The following ARHGEF40 variants were observed in gnomAD, a reference collection of about 807,000 sequenced individuals.
ARHGEF40 encodes the protein Rho guanine nucleotide exchange factor 40.
ARHGEF40 carries 98 observed loss-of-function variants against 165.9 expected under a neutral mutation model. The observed-to-expected ratio is 0.59, with a 90% CI of 0.50 to 0.70. The LOEUF (loss-of-function observed/expected upper bound fraction) is 0.70. Among genes scored for constraint, ARHGEF40 ranks in the 30% least tolerant of loss-of-function variants. ARHGEF40 has a pLI of 0.00. For missense variants in ARHGEF40, 1,815 were observed against 1,968.0 expected (o/e 0.92, Z 1.47); for synonymous variants, 792 against 814.3 (o/e 0.97, Z 0.47).
chr14:21,086,310 A>C (rs921393536), intron 19 of ARHGEF40: 1 of 168,784 alleles, frequency 5.9e-6, no homozygotes, highest in Non-Finnish European at 1.3e-5. Flanking sequence ...CAAACGTTCA[A>C]GGCTACAGTG....
At chr14:21,083,658 C>T (rs1888108590) in intron 16 of ARHGEF40, among the ~76,000 whole-genome samples, 177 bp from the exon 17 acceptor site, 1 of 152,230 alleles carries the variant, frequency 6.6e-6, no homozygotes, top group Admixed American at 6.5e-5. Flanking sequence ...GATTGCTGGC[C>T]TGCAGGCCCC....
chr14:21,090,168 C>T lies in ARHGEF40; in HGVS notation c.*1160C>T. ...AAAAATAGCGACGTCTACAGGGCCC[C>T]TGATGGGGCTAGAAGGGTACAGTGC... On this transcript the variant is annotated 3_prime_UTR_variant, in exon 24 of 24. Transcript: ENST00000298694. The surrounding 1 kb of genome is among the most constrained non-coding windows in gnomAD (Gnocchi z 4.4). 1.9e-6 allele frequency: 1 copy of T among 513,668 alleles called. No homozygotes were observed. Among genetic ancestry groups the T allele is most frequent in the East Asian group, 5.1e-5 (1 of 19,716 alleles). The allele number at this position is 513,668 out of a possible 1,614,324, so 31.8% of individuals were successfully genotyped here. A position where few individuals can be genotyped will look rare whatever the true frequency, so the allele number is the denominator to read the frequency against.
chr14:21,070,854 C>G lies in ARHGEF40; in HGVS notation c.3+455C>G. On this transcript the variant is annotated intron_variant, in intron 1 of 23. Transcript: ENST00000298694. The surrounding 1 kb of genome is among the most constrained non-coding windows in gnomAD (Gnocchi z 4.7). ...TGCATGGAACCACCATTTTCCATCC[C>G]TGTCCCCAACCCGGTGAGGCAGGCC... 6.5e-7 allele frequency: 1 copy of G among 1,535,694 alleles called. No individual in the cohort carries two copies. The highest frequency in any genetic ancestry group is 8.7e-7 in the Non-Finnish European group (1 of 1,146,880).
chr14:21,061,717 A>C, the ARHGEF40 span, among the ~76,000 whole-genome samples: 1 of 152,244 alleles, frequency 6.6e-6, no homozygotes, highest in African/African-American at 2.4e-5. Context: ...AAATGTTTAA[A>C]AGAATCAACA....
At chr14:21,068,955 A>G (rs1198514921), upstream of ARHGEF40, among the ~76,000 whole-genome samples, 4 of 152,238 alleles carry the variant, frequency 2.6e-5, no homozygotes, top group African/African-American at 7.2e-5. Flanking sequence ...CGCTGTTCCA[A>G]CAACTGCCCA....
chr14:21,071,717 G>T (rs1886903586), intron 1 of ARHGEF40, among the ~76,000 whole-genome samples: 1 of 151,772 alleles, frequency 6.6e-6, no homozygotes, highest in South Asian at 2.1e-4. Flanking sequence ...CCCTAGCTCC[G>T]CACTCCCTGC....
At position 21,085,867 on chromosome 14, in the gene ARHGEF40, G is replaced by A; in HGVS notation, c.4138+1G>A. 6.2e-7 allele frequency: 1 copy of A among 1,613,840 alleles called. No individual in the cohort carries two copies. The highest frequency in any genetic ancestry group is 2.2e-5 in the East Asian group (1 of 44,894). On this transcript the variant is annotated splice_donor_variant, in intron 19 of 23. Transcript: ENST00000298694. LOFTEE classifies it high-confidence loss of function. Reference sequence around the variant, plus strand: ...TGGAGACAGGCAGCCCACAACAAGGGTACTGGGCAGAGCTGAGGAAGGGGG... The same window carrying A: ...TGGAGACAGGCAGCCCACAACAAGGATACTGGGCAGAGCTGAGGAAGGGGG...
chr14:21,074,448 G>A lies in ARHGEF40; in HGVS notation c.718G>A (p.Gly240Ser), dbSNP rs749010715. ...GHNAPVEGPE[G>S]EYVELLEVTL... ...CAATGCCCCTGTGGAAGGACCTGAG[G>A]GCGAGTATGTGGAGCTGTTAGAGGT... Residue 240 changes from glycine (G) to serine (S), a missense_variant, in exon 3 of 24, where the codon GGC becomes AGC. Transcript: ENST00000298694. The surrounding 1 kb of genome is among the most constrained non-coding windows in gnomAD (Gnocchi z 4.8). The A allele has an allele frequency of 1.0e-5, 16 of 1,599,932 alleles. No homozygotes were observed. The highest frequency in any genetic ancestry group is 1.3e-5 in the Non-Finnish European group (15 of 1,173,894).
Position 21,074,629 on chromosome 14 carries a change from A to G in ARHGEF40, c.899A>G (p.Gln300Arg), listed in dbSNP as rs1172256002. 1.9e-6 allele frequency: 3 copies of G among 1,567,378 alleles called. No homozygotes were observed. In the African/African-American group the frequency reaches 4.0e-5, roughly 21 times the overall value. The change falls in exon 3 of 24, where the codon CAG (glutamine) becomes CGG (arginine). Residue 300 changes from glutamine (Q) to arginine (R), a missense_variant. Gln to Arg is a conservative substitution (Grantham distance 43, BLOSUM62 1). Coordinates refer to ENST00000298694, the MANE Select transcript of ARHGEF40 (RefSeq NM_018071.5). The surrounding 1 kb of genome is among the most constrained non-coding windows in gnomAD (Gnocchi z 4.8). ...CAGAAGGGCCTGGGGCCTCGGGGCC[A>G]GGATGGAGCACGCCCACCCGGCGAG... The part of the protein sequence containing the change: ...MHQKGLGPRG[Q>R]DGARPPGEGS...
chr14:21,084,135 G>C (rs930288535), intron 17 of ARHGEF40, 85 bp downstream of exon 17: 11 of 1,404,210 alleles, frequency 7.8e-6, no homozygotes, highest in African/African-American at 1.4e-5. Context: ...GGAGAACCAG[G>C]CTCCAGGTCA....
Position 21,082,128 on chromosome 14 carries a change from C to A in ARHGEF40, c.3251+9C>A. The A allele has an allele frequency of 6.4e-7, 1 of 1,562,454 alleles. No homozygotes were observed. The highest frequency in any genetic ancestry group is 8.7e-7 in the Non-Finnish European group (1 of 1,152,792). On this transcript the variant is annotated intron_variant, in intron 14 of 23. Transcript: ENST00000298694. ...CGCAAGCGAAGCATCAGGTGAGATC[C>A]CAGCCCAACTGGTGCTAAGAGGCGG... is the stretch of plus-strand genomic sequence containing the variant.
chr14:21,080,896 G>T lies in ARHGEF40; in HGVS notation c.2520G>T (p.Glu840Asp). 6.2e-7 allele frequency: 1 copy of T among 1,614,120 alleles called. No homozygotes were observed. Among genetic ancestry groups the T allele is most frequent in the Middle Eastern group, 1.7e-4 (1 of 6,056 alleles). ...AGGAGCGCCTGGCCCAGGCACGGGA[G>T]GCCCTGGCTCTGGAGGAGAATGCCA... ...EVQERLAQAR[E>D]ALALEENATS... The change falls in exon 13 of 24, where the codon GAG (glutamate) becomes GAT (aspartate). Residue 840 changes from glutamate to aspartate, a missense_variant. Glu to Asp is a conservative substitution (Grantham distance 45). Coordinates refer to ENST00000298694, the MANE Select transcript of ARHGEF40 (RefSeq NM_018071.5).
In ARHGEF40 at chr14:21,081,538, TCGG is replaced by T; in HGVS notation, c.2672_2674del (p.Arg891del). 2 of 1,613,082 alleles carry T rather than the reference TCGG, an allele frequency of 1.2e-6. No homozygotes were observed. Among genetic ancestry groups the T allele is most frequent in the Non-Finnish European group, 1.7e-6 (2 of 1,179,902 alleles). On this transcript the variant is annotated inframe_deletion, in exon 14 of 24. Coordinates refer to ENST00000298694, the MANE Select transcript of ARHGEF40 (RefSeq NM_018071.5). Reference sequence around the variant, plus strand: ...ATGAATGGGTGGATGAGGGCTTTGCTCGGCTGGCAGGAGCTGGGCCGGGTCGGG... The same window carrying T: ...ATGAATGGGTGGATGAGGGCTTTGCTCTGGCAGGAGCTGGGCCGGGTCGGG...
intron 18 of ARHGEF40, 32 bp from the exon 19 acceptor site, chr14:21,085,657 G>T (rs1191048091): frequency 1.9e-6 from 3 of 1,605,414 alleles, no homozygotes; most frequent in Non-Finnish European, 2.6e-6. Context: ...GACTCACTCT[G>T]TCTTCACCCG....
In ARHGEF40 at chr14:21,084,659, A is replaced by T. The variant is rs1888196456; in HGVS notation, c.3790-94A>T. ...CCTGACTCTACCTGAGAACCAGTGC[A>T]TTAGGCCACTTGCCCTATAAATCTA... On this transcript the variant is annotated intron_variant, in intron 17 of 23. Coordinates refer to ENST00000298694, the MANE Select transcript of ARHGEF40 (RefSeq NM_018071.5). 13 of 1,396,722 alleles carry T rather than the reference A, an allele frequency of 9.3e-6. 1 individual carries two copies. In the South Asian group the frequency reaches 1.8e-4, roughly 19 times the overall value. The allele number at this position is 1,396,722 out of a possible 1,614,324, so 86.5% of individuals were successfully genotyped here.
At position 21,073,567 on chromosome 14, in the gene ARHGEF40, C is replaced by T. The variant is rs140147631; in HGVS notation, c.201+325C>T. Among the ~76,000 whole-genome samples, 2 of 152,168 alleles carry T rather than the reference C, an allele frequency of 1.3e-5. No individual in the cohort carries two copies. The highest frequency in any genetic ancestry group is 4.8e-5 in the African/African-American group (2 of 41,492). ...TCCCCCTCATATGAATTTCTCAAGA[C>T]ACTAACTCCCCCGTACATTAGTCAA... On this transcript the variant is annotated intron_variant, in intron 2 of 23. Transcript: ENST00000298694. The surrounding 1 kb of genome is among the most constrained non-coding windows in gnomAD (Gnocchi z 4.6).
chr14:21,066,269 T>G (rs1886256399), upstream of ARHGEF40, among the ~76,000 whole-genome samples: 1 of 151,624 alleles, frequency 6.6e-6, no homozygotes, highest in African/African-American at 2.4e-5. Context: ...TGGAAAGCCA[T>G]TAGACGGGGT....
the ARHGEF40 span, among the ~76,000 whole-genome samples, chr14:21,064,511 A>G: frequency 6.6e-6 from 1 of 152,164 alleles, no homozygotes; most frequent in Admixed American, 6.5e-5. Context: ...CATGTTGGCC[A>G]GGCTCGTCTT....
At position 21,073,750 on chromosome 14, in the gene ARHGEF40, G is replaced by A. The variant is rs750696365; in HGVS notation, c.202-182G>A. 2.6e-5 allele frequency among the ~76,000 whole-genome samples: 4 copies of A among 152,060 alleles called. No individual in the cohort carries two copies. Among genetic ancestry groups the A allele is most frequent in the East Asian group, 3.9e-4 (2 of 5,188 alleles). Reference sequence around the variant, plus strand: ...AGAATCTTCCTACTACTGGGAGACCGATCAGTCCCAATCCCTTCCTCTCTG... The same window carrying A: ...AGAATCTTCCTACTACTGGGAGACCAATCAGTCCCAATCCCTTCCTCTCTG... On this transcript the variant is annotated intron_variant, in intron 2 of 23. Coordinates refer to ENST00000298694, the MANE Select transcript of ARHGEF40 (RefSeq NM_018071.5). This position sits in a 1 kb window ranked among gnomAD's most constrained non-coding sequence, Gnocchi z 4.6.
Sources: gnomAD v4.1 joint callset for allele counts (sites outside exome capture counted in the v4.1 genomes callset) on GRCh38, gnomAD v4.1.1 for gene constraint, Gnocchi (gnomAD v3.1) non-coding constraint, MANE v1.5 for transcripts, NCBI Gene and HGNC (gene_info 2026-07-23, HGNC 2026-07-21) for gene names.